Variants in EGFL6 observed in about 807,000 individuals in gnomAD.
EGFL6 encodes the protein epidermal growth factor-like protein 6.
Under a neutral mutation model 43.1 loss-of-function variants are expected in EGFL6, and 42 were observed. The observed-to-expected ratio is 0.98, with a 90% CI of 0.76 to 1.26. EGFL6 has a LOEUF of 1.26. Among genes scored for constraint, EGFL6 ranks in the 50% most tolerant of loss-of-function variants. The probability of loss-of-function intolerance (pLI) is 0.00; values close to 1 mark genes in which losing one functional copy is unlikely to be tolerated. For synonymous variants in EGFL6, 164 were observed against 163.2 expected, an observed-to-expected ratio of 1.01 and a Z score of -0.04; for missense variants, 429 against 427.8, an observed-to-expected ratio of 1.00 and a Z score of -0.02.
At chrX:13,576,265 G>A (rs1030691866) in intron 1 of EGFL6, among the ~76,000 whole-genome samples, 2 of 111,064 alleles carry the variant, frequency 1.8e-5, no homozygotes, top group Non-Finnish European at 3.8e-5. Context: ...GAGCAAGGGC[G>A]GGGAAAGGTG....
chrX:13,599,657 A>G (rs1029537900), intron 3 of EGFL6, among the ~76,000 whole-genome samples: 4 of 108,446 alleles, frequency 3.7e-5, no homozygotes, highest in Non-Finnish European at 7.6e-5. Context: ...TGAGCATTTT[A>G]GTATGTAGGG....
chrX:13,609,064 G>C (rs1014641182), intron 7 of EGFL6, among the ~76,000 whole-genome samples: 1 of 112,322 alleles, frequency 8.9e-6, no homozygotes, highest in African/African-American at 3.2e-5. Context: ...ACAATAAAAT[G>C]TCACTGCTAT....
chrX:13,572,608 G>T (rs1162490728), intron 1 of EGFL6, among the ~76,000 whole-genome samples: 1 of 111,696 alleles, frequency 9.0e-6, no homozygotes, highest in Admixed American at 9.5e-5. Context: ...TGCTATTCTG[G>T]AGATTAACGT....
intron 5 of EGFL6, among the ~76,000 whole-genome samples, chrX:13,604,554 G>A (rs1001050375): frequency 2.7e-5 from 3 of 111,868 alleles, no homozygotes; most frequent in Non-Finnish European, 5.6e-5. Context: ...CTTGAGTGCT[G>A]AGGAGCTATG....
At chrX:13,623,275 T>A (rs2146708228) in intron 9 of EGFL6, among the ~76,000 whole-genome samples, 1 of 108,925 alleles carries the variant, frequency 9.2e-6, no homozygotes, top group East Asian at 2.8e-4. Context: ...CTGGCCTGAA[T>A]TCGATAAACA....
At chrX:13,631,935 C>T (rs1332783213) in intron 11 of EGFL6, among the ~76,000 whole-genome samples, 1 of 110,857 alleles carries the variant, frequency 9.0e-6, no homozygotes, top group East Asian at 2.8e-4. Context: ...AAATGAGTCC[C>T]CTGTCATTTT....
chrX:13,611,257 G>C (rs1569207747), intron 7 of EGFL6, among the ~76,000 whole-genome samples: 1 of 111,842 alleles, frequency 8.9e-6, no homozygotes, highest in East Asian at 2.8e-4. Flanking sequence ...TATAGAGAGA[G>C]AGCTTAGTTT....
At chrX:13,612,870 C>T (rs867604501) in intron 7 of EGFL6, among the ~76,000 whole-genome samples, 1 of 111,720 alleles carries the variant, frequency 9.0e-6, no homozygotes, top group Non-Finnish European at 1.9e-5. Context: ...ATAGGCCGGG[C>T]GCAGTAGCTC....
chrX:13,570,510 G>A (rs1480569732), intron 1 of EGFL6, among the ~76,000 whole-genome samples: 2 of 112,019 alleles, frequency 1.8e-5, no homozygotes, highest in Admixed American at 1.9e-4. Context: ...ACGGTTGTCA[G>A]ATGACAACCA....
Position 13,569,945 on chromosome X carries a change from T to C in EGFL6, c.74+10T>C. 1 of 1,208,288 alleles carries C rather than the reference T, an allele frequency of 8.3e-7. No homozygotes were observed. Among genetic ancestry groups the C allele is most frequent in the Non-Finnish European group, 1.1e-6 (1 of 892,598 alleles). On this transcript the variant is annotated intron_variant, in intron 1 of 11. Coordinates refer to ENST00000361306, the MANE Select transcript of EGFL6 (RefSeq NM_015507.4). ...TCGGGAACGCGGCCAGGTGAGTGTC[T>C]GACTGGCGATTGGCTTCCCCCCACC...
At chrX:13,614,750 T>TTA (rs1555957150) in intron 7 of EGFL6, among the ~76,000 whole-genome samples, 5 of 74,898 alleles carry the variant, frequency 6.7e-5, no homozygotes, top group African/African-American at 2.4e-4. Context: ...TCCCTCCATA[T>TTA]TTTTTTTTTT....
chrX:13,581,655 A>G (rs2045506529), intron 1 of EGFL6, among the ~76,000 whole-genome samples: 2 of 112,577 alleles, frequency 1.8e-5, no homozygotes, highest in Admixed American at 9.4e-5. Flanking sequence ...ATTCTGGCAC[A>G]GTATATTTTT....
intron 1 of EGFL6, among the ~76,000 whole-genome samples, chrX:13,588,373 G>A (rs1212723001): frequency 8.9e-6 from 1 of 112,265 alleles, no homozygotes; most frequent in Non-Finnish European, 1.9e-5. Flanking sequence ...AAAGCACATG[G>A]TAAAATGTGC....
chrX:13,592,861 C>T (rs867748690), intron 2 of EGFL6, among the ~76,000 whole-genome samples: 5 of 27,047 alleles, frequency 1.8e-4, no homozygotes, highest in African/African-American at 8.7e-4. Context: ...TTGCCTTTGT[C>T]GGGGGGGTGG....
chrX:13,633,204 AC>A lies in EGFL6; in HGVS notation c.*111del, dbSNP rs2045823427. The A allele has an allele frequency of 1.7e-6, 1 of 579,984 alleles. No homozygotes were observed. Among genetic ancestry groups the A allele is most frequent in the Non-Finnish European group, 2.6e-6 (1 of 380,370 alleles). 47.8% of individuals were successfully genotyped at this position (579,984 alleles called of 1,213,427 possible). A position where few individuals can be genotyped will look rare whatever the true frequency, so the allele number is the denominator to read the frequency against. On this transcript the variant is annotated 3_prime_UTR_variant, in exon 12 of 12. Coordinates refer to ENST00000361306, the MANE Select transcript of EGFL6 (RefSeq NM_015507.4). ...ATTACTAGCTGAAAAATTGTAATGT[AC>A]CAACAGAAATATTATTGTAAGATGC... is the stretch of plus-strand genomic sequence containing the variant.
chrX:13,620,649 G>C (rs982340549), intron 9 of EGFL6, among the ~76,000 whole-genome samples: 4 of 111,187 alleles, frequency 3.6e-5, no homozygotes, highest in African/African-American at 1.3e-4. Flanking sequence ...TTTCTCCTAA[G>C]TATTCTATGT....
chrX:13,606,655 T>C, intron 6 of EGFL6, 142 bp downstream of exon 6: 1 of 615,185 alleles, frequency 1.6e-6, no homozygotes, highest in Non-Finnish European at 2.4e-6. Context: ...GAAAGGTTAT[T>C]TTTTTAGGTG....
At chrX:13,610,051 C>T (rs1443530103) in intron 7 of EGFL6, among the ~76,000 whole-genome samples, 2 of 111,640 alleles carry the variant, frequency 1.8e-5, no homozygotes, top group Non-Finnish European at 3.8e-5. Context: ...ACATTCAGCG[C>T]CACACCCATA....
intron 2 of EGFL6, among the ~76,000 whole-genome samples, chrX:13,594,227 T>A (rs1351880022): frequency 8.9e-6 from 1 of 112,165 alleles, no homozygotes; most frequent in African/African-American, 3.2e-5. Context: ...CCTGTTGTTT[T>A]TCCTACCACT....
Sources: allele counts gnomAD v4.1 joint callset (sites outside exome capture counted in the v4.1 genomes callset), GRCh38; gene constraint gnomAD v4.1.1; transcripts MANE v1.5; gene names NCBI Gene and HGNC (gene_info 2026-07-23, HGNC 2026-07-21).